Variants in TANGO2 observed in about 807,000 individuals in gnomAD.
The protein encoded by TANGO2 is transport and golgi organization 2 homolog.
TANGO2 carries 26 observed loss-of-function variants against 39.1 expected under a neutral mutation model. That is an observed-to-expected ratio of 0.67 (90% confidence interval 0.49 to 0.92). The LOEUF is 0.92. TANGO2 is among the 40% of genes least tolerant of loss of function. The pLI is 0.00. For synonymous variants in TANGO2, 131 were observed against 144.5 expected (o/e 0.91, Z 0.67); for missense variants, 326 against 360.1 (o/e 0.91, Z 0.77).
At chr22:20,029,052 C>A (rs913899976) in intron 1 of TANGO2, among the ~76,000 whole-genome samples, 24 of 152,250 alleles carry the variant, frequency 1.6e-4, no homozygotes, top group Admixed American at 4.6e-4. Flanking sequence ...GTGGCTCTGG[C>A]CCATCTTTGC....
chr22:20,031,518 G>A (rs999292743), intron 1 of TANGO2, among the ~76,000 whole-genome samples: 1 of 152,182 alleles, frequency 6.6e-6, no homozygotes, highest in African/African-American at 2.4e-5. Flanking sequence ...GGCTCCTCTC[G>A]ACTGCTGCCC....
chr22:20,063,169 TAAGAGAA>T lies in TANGO2; in HGVS notation c.606-161_606-155del. ...GAAACTCCTCCTCAAAAAAAGAAAA[TAAGAGAA>T]AAGAGAAGAGAAGAGGAAAAAGAAA... On this transcript the variant is annotated intron_variant, in intron 7 of 8. Coordinates refer to ENST00000327374, the MANE Select transcript of TANGO2 (RefSeq NM_152906.7). 5 of 569,692 alleles carry T rather than the reference TAAGAGAA, an allele frequency of 8.8e-6. 1 individual carries two copies. In the Admixed American group the frequency reaches 1.6e-4, roughly 18 times the overall value. 35.3% of individuals were successfully genotyped at this position (569,692 alleles called of 1,614,324 possible).
At chr22:20,056,264 C>CGCAGCCCT (rs1336146610) in intron 6 of TANGO2, 2 of 671,098 alleles carry the variant, frequency 3.0e-6, no homozygotes, top group Non-Finnish European at 5.5e-6. Flanking sequence ...GGCTTCCCAC[C>CGCAGCCCT]GCAGCCCTGC....
intron 6 of TANGO2, chr22:20,056,700 C>T (rs1340134625): frequency 2.2e-6 from 1 of 456,568 alleles, no homozygotes; most frequent in Non-Finnish European, 4.4e-6. Context: ...GGGAGGTCTG[C>T]ATCTTGTCCC....
At position 20,056,684 on chromosome 22, in the gene TANGO2, C is replaced by T. The variant is rs1165504911; in HGVS notation, c.451+671C>T. The T allele has an allele frequency of 1.1e-5, 5 of 456,530 alleles. No homozygotes were observed. The Admixed American group carries it at 1.2e-4, about 11-fold the overall frequency. The allele number at this position is 456,530 out of a possible 1,614,324, so 28.3% of individuals were successfully genotyped here. ...CATTGCCCCCCTCTGCAGCCATGTTCTGGGAGGGAGGTCTGCATCTTGTCC... is the reference window on the plus strand; with the variant it reads ...CATTGCCCCCCTCTGCAGCCATGTTTTGGGAGGGAGGTCTGCATCTTGTCC... On this transcript the variant is annotated intron_variant, in intron 6 of 8. Transcript: ENST00000327374.
chr22:20,033,533 C>A (rs1183200645), intron 1 of TANGO2, among the ~76,000 whole-genome samples: 3 of 152,230 alleles, frequency 2.0e-5, no homozygotes, highest in Non-Finnish European at 4.4e-5. Flanking sequence ...TTGATTGAGA[C>A]CAACGGCCTT....
intron 3 of TANGO2, among the ~76,000 whole-genome samples, chr22:20,047,566 G>A (rs974812692): frequency 5.9e-4 from 90 of 152,204 alleles, no homozygotes; most frequent in African/African-American, 1.7e-3. Flanking sequence ...AGGTCTGGGG[G>A]ACAAACATCC....
At chr22:20,049,489 C>T (rs768295056) in intron 3 of TANGO2, among the ~76,000 whole-genome samples, 18 of 151,894 alleles carry the variant, frequency 1.2e-4, no homozygotes, top group African/African-American at 1.9e-4. Context: ...GGAGAAACCC[C>T]GTCTCTACTA....
rs529401728 is a variant in TANGO2, at chr22:20,066,872, G to C, written c.*2210G>C. 1.3e-5 allele frequency: 2 copies of C among 152,378 alleles called. No individual in the cohort carries two copies. The highest frequency in any genetic ancestry group is 2.1e-4 in the South Asian group (1 of 4,820). 9.4% of individuals were successfully genotyped at this position (152,378 alleles called of 1,614,324 possible). A position where few individuals can be genotyped will look rare whatever the true frequency, so the allele number is the denominator to read the frequency against. ...CCCAGGAAGAGCAGTCTCTGCTCTT[G>C]TGTGGGTCCCTCTGCCCCCACCCTG... is the stretch of plus-strand genomic sequence containing the variant. On this transcript the variant is annotated 3_prime_UTR_variant, in exon 9 of 9. Coordinates refer to ENST00000327374, the MANE Select transcript of TANGO2 (RefSeq NM_152906.7).
rs2047519586 is a variant in TANGO2 at position 20,057,119 on chromosome 22, A to G, written c.451+1106A>G. 2 of 372,638 alleles carry G rather than the reference A, an allele frequency of 5.4e-6. No individual in the cohort carries two copies. The highest frequency in any genetic ancestry group is 1.1e-5 in the Non-Finnish European group (2 of 186,014). 23.1% of individuals were successfully genotyped at this position (372,638 alleles called of 1,614,324 possible). A position where few individuals can be genotyped will look rare whatever the true frequency, so the allele number is the denominator to read the frequency against. Reference sequence around the variant, plus strand: ...CCTTCCCACTGGGTGTACACGGTGGAACTGAAGCCCCAGGCGTCCCTGGAG... The same window carrying G: ...CCTTCCCACTGGGTGTACACGGTGGGACTGAAGCCCCAGGCGTCCCTGGAG... On this transcript the variant is annotated intron_variant, in intron 6 of 8. Coordinates refer to ENST00000327374, the MANE Select transcript of TANGO2 (RefSeq NM_152906.7). This position sits in a 1 kb window ranked among gnomAD's most constrained non-coding sequence, Gnocchi z 4.1.
At chr22:20,029,488 G>A (rs1158065478) in intron 1 of TANGO2, among the ~76,000 whole-genome samples, 1 of 152,216 alleles carries the variant, frequency 6.6e-6, no homozygotes, top group Non-Finnish European at 1.5e-5. Flanking sequence ...ATTCTGGGAA[G>A]AATTCCACCC....
At chr22:20,061,717 G>A (rs1173593632) in intron 7 of TANGO2, 34 bp downstream of exon 7, 1 of 1,518,942 alleles carries the variant, frequency 6.6e-7, no homozygotes. Flanking sequence ...GTGAGCCCCA[G>A]TGTCCCGCCA....
At chr22:20,033,231 C>T in intron 1 of TANGO2, 1 of 528,842 alleles carries the variant, frequency 1.9e-6, no homozygotes, top group Non-Finnish European at 3.9e-6. Flanking sequence ...ATGACCGCGT[C>T]TTCGTCGAGG....
chr22:20,022,999 T>C (rs750350624), intron 1 of TANGO2, among the ~76,000 whole-genome samples: 5 of 152,228 alleles, frequency 3.3e-5, no homozygotes, highest in Non-Finnish European at 7.3e-5. Flanking sequence ...AAAACAAGCC[T>C]ATCCCTACCA....
At chr22:20,034,681 T>A (rs1350414993) in intron 1 of TANGO2, among the ~76,000 whole-genome samples, 2 of 152,158 alleles carry the variant, frequency 1.3e-5, no homozygotes, top group Non-Finnish European at 2.9e-5. Context: ...CATCGCTCTT[T>A]GGAGTCCCAG....
intron 1 of TANGO2, among the ~76,000 whole-genome samples, chr22:20,035,510 G>A (rs977757095): frequency 6.6e-5 from 10 of 152,234 alleles, no homozygotes; most frequent in African/African-American, 1.9e-4. Context: ...TCTAATCTCC[G>A]TTCTGCACTC....
Position 20,052,195 on chromosome 22 carries a change from G to A in TANGO2, c.146-270G>A, listed in dbSNP as rs115084231. Among the ~76,000 whole-genome samples the A allele has an allele frequency of 0.017, 2,642 of 152,302 alleles. 78 individuals carry two copies. The highest frequency in any genetic ancestry group is 0.06 in the African/African-American group (2,509 of 41,560). On this transcript the variant is annotated intron_variant, in intron 3 of 8. Coordinates refer to ENST00000327374, the MANE Select transcript of TANGO2 (RefSeq NM_152906.7). ...CAAGTGGAAGGATGTGTTCTGCAGG[G>A]CATCTGTTGGGATAGGTGTGGTTGG...
At position 20,064,832 on chromosome 22, in the gene TANGO2, A is replaced by G; in HGVS notation, c.*170A>G. 1 of 828,450 alleles carries G rather than the reference A, an allele frequency of 1.2e-6. No individual in the cohort carries two copies. The highest frequency in any genetic ancestry group is 1.8e-6 in the Non-Finnish European group (1 of 547,156). The allele number at this position is 828,450 out of a possible 1,614,324, so 51.3% of individuals were successfully genotyped here. A position where few individuals can be genotyped will look rare whatever the true frequency, so the allele number is the denominator to read the frequency against. On this transcript the variant is annotated 3_prime_UTR_variant, in exon 9 of 9. Transcript: ENST00000327374. ...GTTACCCATCTGTGTCCCCATGCCC[A>G]GTTCAGGGTCTGCCTTTATGCCAGT...
rs1491365941 is a variant in TANGO2, at chr22:20,065,896, A to ACC, written c.*1234_*1235insCC. The ACC allele has an allele frequency of 6.6e-6, 1 of 152,268 alleles. No individual in the cohort carries two copies. Among genetic ancestry groups the ACC allele is most frequent in the Non-Finnish European group, 1.5e-5 (1 of 68,104 alleles). 9.4% of individuals were successfully genotyped at this position (152,268 alleles called of 1,614,324 possible). On this transcript the variant is annotated 3_prime_UTR_variant, in exon 9 of 9. Transcript: ENST00000327374. Reference sequence around the variant, plus strand: ...ATCTGTACCTGAATGTGAGCTCCTGATAATAAAACTCTGAGGCTTTGGTGA... The same window carrying ACC: ...ATCTGTACCTGAATGTGAGCTCCTGACCTAATAAAACTCTGAGGCTTTGGTGA...
Sources: allele counts gnomAD v4.1 joint callset (sites outside exome capture counted in the v4.1 genomes callset), GRCh38; gene constraint gnomAD v4.1.1; non-coding constraint Gnocchi (gnomAD v3.1); transcripts MANE v1.5; gene names NCBI Gene and HGNC (gene_info 2026-07-23, HGNC 2026-07-21).